TMOD3: variants seen among roughly 807,000 people sequenced by gnomAD.
The protein encoded by TMOD3 is tropomodulin-3.
TMOD3 carries 20 observed loss-of-function variants against 39.2 expected under a neutral mutation model. That is an observed-to-expected ratio of 0.51 (90% CI 0.36 to 0.74). The LOEUF (loss-of-function observed/expected upper bound fraction) is 0.74, where lower values mean the gene tolerates loss of function less well. Ranked by LOEUF, TMOD3 falls within the 30% of genes least tolerant of loss-of-function variation. The pLI is 0.00. For missense variants in TMOD3, 381 were observed against 412.8 expected (o/e 0.92, Z 0.67); for synonymous variants, 143 against 145.8 (o/e 0.98, Z 0.14).
At chr15:51,838,501 G>T (rs181813080) in intron 1 of TMOD3, among the ~76,000 whole-genome samples, 61 of 152,190 alleles carry the variant, frequency 4.0e-4, no homozygotes, top group African/African-American at 1.4e-3. Flanking sequence ...TCCGTGAAAT[G>T]ACCTACCACT....
intron 1 of TMOD3, among the ~76,000 whole-genome samples, chr15:51,836,123 CAT>C (rs2056281686): frequency 6.6e-6 from 1 of 152,152 alleles, no homozygotes; most frequent in Non-Finnish European, 1.5e-5. Context: ...CTTTCTCTAA[CAT>C]ATAACAGCTT....
chr15:51,861,655 T>C (rs1404490951), intron 1 of TMOD3, among the ~76,000 whole-genome samples: 1 of 149,344 alleles, frequency 6.7e-6, no homozygotes, highest in East Asian at 2.0e-4. Flanking sequence ...AGGTACTAGG[T>C]ACTTTTTTTT....
In TMOD3 at chr15:51,911,609, C is replaced by G. The variant is rs1045869335; in HGVS notation, c.*2799C>G. On this transcript the variant is annotated 3_prime_UTR_variant, in exon 10 of 10. Coordinates refer to ENST00000308580, the MANE Select transcript of TMOD3 (RefSeq NM_014547.5). ...TGAGACCTTAGGTTTTGTAGTCTAA[C>G]CAGCTTATGTGGTTATTTAAAAGAA... 1 of 152,060 alleles carries G rather than the reference C, an allele frequency of 6.6e-6. No homozygotes were observed. The highest frequency in any genetic ancestry group is 1.5e-5 in the Non-Finnish European group (1 of 68,000). The allele number at this position is 152,060 out of a possible 1,614,324, so 9.4% of individuals were successfully genotyped here.
At chr15:51,894,425 G>A (rs764704349) in intron 6 of TMOD3, among the ~76,000 whole-genome samples, 2 of 152,034 alleles carry the variant, frequency 1.3e-5, no homozygotes, top group African/African-American at 2.4e-5. Context: ...TTTTTTTGAG[G>A]TAAAATTTAA....
In TMOD3 at chr15:51,911,684, C is replaced by G. The variant is rs1359912688; in HGVS notation, c.*2874C>G. The stretch of plus-strand genomic sequence containing the variant: ...ATTTTTAAAAAAGCTTTTTATTACC[C>G]ATTTTATAAAATGTTATACTCATAT... On this transcript the variant is annotated 3_prime_UTR_variant, in exon 10 of 10. Coordinates refer to ENST00000308580, the MANE Select transcript of TMOD3 (RefSeq NM_014547.5). 1.3e-5 allele frequency: 2 copies of G among 152,030 alleles called. No homozygotes were observed. The highest frequency in any genetic ancestry group is 4.8e-5 in the African/African-American group (2 of 41,404). 9.4% of individuals were successfully genotyped at this position (152,030 alleles called of 1,614,324 possible). A position where few individuals can be genotyped will look rare whatever the true frequency, so the allele number is the denominator to read the frequency against.
chr15:51,880,536 T>C (rs1405382119), intron 3 of TMOD3, among the ~76,000 whole-genome samples: 13 of 152,156 alleles, frequency 8.5e-5, no homozygotes, highest in Admixed American at 2.6e-4. Flanking sequence ...TAAGCAACTT[T>C]CTTTCTGGAT....
intron 3 of TMOD3, among the ~76,000 whole-genome samples, chr15:51,879,889 CGA>C (rs1566861827): frequency 2.1e-4 from 31 of 151,002 alleles, no homozygotes; most frequent in Non-Finnish European, 3.8e-4. Context: ...CACACACACA[CGA>C]AGAAGAAATT....
intron 3 of TMOD3, among the ~76,000 whole-genome samples, chr15:51,878,252 C>T (rs1278969907): frequency 1.3e-5 from 2 of 152,156 alleles, no homozygotes; most frequent in East Asian, 3.9e-4. Flanking sequence ...TTGTTTCTGG[C>T]CAGGTATGGT....
chr15:51,859,454 A>G, intron 1 of TMOD3: 2 of 660,556 alleles, frequency 3.0e-6, no homozygotes, highest in South Asian at 2.7e-5. Context: ...TGAAAAAGTC[A>G]ACTGAAAATG....
At chr15:51,858,578 T>TC (rs1041957506) in intron 1 of TMOD3, among the ~76,000 whole-genome samples, 3 of 152,148 alleles carry the variant, frequency 2.0e-5, no homozygotes, top group Non-Finnish European at 2.9e-5. Context: ...GTGTTTTTTT[T>TC]CCCCTGTGAT....
chr15:51,855,504 G>A (rs1362436552), intron 1 of TMOD3, among the ~76,000 whole-genome samples: 1 of 152,186 alleles, frequency 6.6e-6, no homozygotes, highest in African/African-American at 2.4e-5. Flanking sequence ...AACTTACCTG[G>A]CAGAACTTGC....
chr15:51,849,112 A>G (rs1223105193), intron 1 of TMOD3, among the ~76,000 whole-genome samples: 1 of 152,186 alleles, frequency 6.6e-6, no homozygotes, highest in Non-Finnish European at 1.5e-5. Flanking sequence ...GAAGCAGTGG[A>G]GATGGTAAAG....
In TMOD3 at chr15:51,912,628, C is replaced by G. The variant is rs188554135; in HGVS notation, c.*3818C>G. The G allele has an allele frequency of 1.3e-5, 2 of 152,222 alleles. No homozygotes were observed. Among genetic ancestry groups the G allele is most frequent in the East Asian group, 1.9e-4 (1 of 5,180 alleles). 9.4% of individuals were successfully genotyped at this position (152,222 alleles called of 1,614,324 possible). A position where few individuals can be genotyped will look rare whatever the true frequency, so the allele number is the denominator to read the frequency against. Reference sequence around the variant, plus strand: ...ACCACTGTTAACCTCCCAGCAGATGCAAGGATCATGCTTTCTCTGGAGTCC... The same window carrying G: ...ACCACTGTTAACCTCCCAGCAGATGGAAGGATCATGCTTTCTCTGGAGTCC... On this transcript the variant is annotated 3_prime_UTR_variant, in exon 10 of 10. Transcript: ENST00000308580.
At chr15:51,836,737 G>A (rs72730996) in intron 1 of TMOD3, among the ~76,000 whole-genome samples, 23,251 of 66,654 alleles carry the variant, frequency 0.35, 2,975 homozygotes, top group East Asian at 0.68. Context: ...AAAAAAAAAA[G>A]AAAAAAGAAA....
intron 3 of TMOD3, among the ~76,000 whole-genome samples, chr15:51,879,350 G>A (rs901348971): frequency 2.0e-5 from 3 of 151,560 alleles, no homozygotes; most frequent in African/African-American, 7.3e-5. Flanking sequence ...ATACTTATCT[G>A]AGAGTTTTTT....
chr15:51,897,195 T>C (rs1460337551), intron 7 of TMOD3, among the ~76,000 whole-genome samples: 1 of 152,156 alleles, frequency 6.6e-6, no homozygotes. Context: ...TGGTCCTTCT[T>C]TTCTCAGTCT....
chr15:51,882,532 T>G (rs1156350837), intron 3 of TMOD3, among the ~76,000 whole-genome samples: 2 of 152,120 alleles, frequency 1.3e-5, no homozygotes, highest in African/African-American at 4.8e-5. Context: ...AAACTTTGCA[T>G]GTGATTGTGC....
intron 1 of TMOD3, among the ~76,000 whole-genome samples, chr15:51,848,186 TTATAG>T (rs2056345144): frequency 6.6e-6 from 1 of 152,222 alleles, no homozygotes; most frequent in African/African-American, 2.4e-5. Flanking sequence ...TGGTATTTTG[TTATAG>T]CAGCCTAAAT....
At chr15:51,859,574 G>A (rs981903481) in intron 1 of TMOD3, 1 of 604,108 alleles carries the variant, frequency 1.7e-6, no homozygotes, top group Non-Finnish European at 3.2e-6. Context: ...TGGCACCTGT[G>A]ACAGCTAAGA....
Sources: gnomAD v4.1 joint callset for allele counts (sites outside exome capture counted in the v4.1 genomes callset) on GRCh38, gnomAD v4.1.1 for gene constraint, MANE v1.5 for transcripts, NCBI Gene and HGNC (gene_info 2026-07-23, HGNC 2026-07-21) for gene names.